The following UGGT2 variants were observed in gnomAD, a reference collection of about 807,000 sequenced individuals.
UGGT2 encodes UDP-glucose:glycoprotein glucosyltransferase 2.
UGGT2 carries 180 observed loss-of-function variants against 192.1 expected under a neutral mutation model. The observed-to-expected ratio is 0.94, with a 90% CI of 0.83 to 1.06. UGGT2 has a LOEUF of 1.06. Among genes scored for constraint, UGGT2 ranks in the 50% least tolerant of loss-of-function variants. The pLI, the probability that UGGT2 is intolerant of heterozygous loss-of-function variation, is 0.00. For missense variants in UGGT2, 1,849 were observed against 1,795.7 expected (o/e 1.03, Z -0.54); for synonymous variants, 580 against 591.0 (o/e 0.98, Z 0.27).
intron 2 of UGGT2, 41 bp downstream of exon 2, chr13:96,031,848 T>C (rs996718156): frequency 6.9e-7 from 1 of 1,456,984 alleles, no homozygotes; most frequent in Non-Finnish European, 9.5e-7. Flanking sequence ...TGTGTGTACA[T>C]AAATACAAAT....
chr13:95,834,912 A>C (rs927721112), intron 37 of UGGT2, among the ~76,000 whole-genome samples: 1 of 152,176 alleles, frequency 6.6e-6, no homozygotes, highest in Non-Finnish European at 1.5e-5. Context: ...AACCATACAC[A>C]TAATTTGTGG....
At position 95,947,098 on chromosome 13, in the gene UGGT2, C is replaced by G. The variant is rs1005656298; in HGVS notation, c.1616G>C (p.Arg539Pro). ...TTCTTCTGCAATATAGTTGAAAGCT[C>G]GCCAGAGAGCAACTCCAGCATCATT... ...GANDAGVALW[R>P]AFNYIAEEFD... The change falls in exon 15 of 39, where the codon CGA becomes CCA. Residue 539 changes from arginine (R) to proline (P), a missense_variant. Coordinates refer to ENST00000376747, the MANE Select transcript of UGGT2 (RefSeq NM_020121.4). 3.1e-6 allele frequency: 5 copies of G among 1,611,930 alleles called. No individual in the cohort carries two copies. The highest frequency in any genetic ancestry group is 4.2e-6 in the Non-Finnish European group (5 of 1,179,380).
chr13:95,956,093 C>T (rs1051590414), intron 12 of UGGT2, among the ~76,000 whole-genome samples: 13 of 152,224 alleles, frequency 8.5e-5, no homozygotes, highest in African/African-American at 3.1e-4. Context: ...TAAAATTTAA[C>T]GACAAGCTAA....
Position 95,900,920 on chromosome 13 carries a change from A to C in UGGT2, c.2521T>G (p.Phe841Val). The change falls in exon 22 of 39, where the codon TTT (phenylalanine) becomes GTT (valine). Residue 841 changes from phenylalanine (F) to valine (V), a missense_variant. By Grantham distance (50) the Phe-to-Val change is conservative (BLOSUM62 -1). Transcript: ENST00000376747. ...FLIEGMDKNA[F>V]EKKYNTVGVN... ...CCAACAGTATTATATTTTTTCTCAA[A>C]AGCATTCTTATCCATCCCCTAAAGC... 1 of 1,596,946 alleles carries C rather than the reference A, an allele frequency of 6.3e-7. No individual in the cohort carries two copies. Among genetic ancestry groups the C allele is most frequent in the African/African-American group, 1.3e-5 (1 of 74,684 alleles).
intron 38 of UGGT2, among the ~76,000 whole-genome samples, chr13:95,808,046 G>A (rs577081396): frequency 2.0e-5 from 3 of 152,154 alleles, no homozygotes; most frequent in Non-Finnish European, 2.9e-5. Flanking sequence ...TTTGGGGGCC[G>A]ATAGACACCT....
chr13:95,868,016 C>T (rs1566612300), intron 29 of UGGT2, among the ~76,000 whole-genome samples: 2 of 151,982 alleles, frequency 1.3e-5, no homozygotes, highest in African/African-American at 2.4e-5. Flanking sequence ...AACTGTGCTC[C>T]GTAATTATTT....
chr13:95,852,641 T>C (rs1376795647), intron 36 of UGGT2, among the ~76,000 whole-genome samples: 2 of 152,174 alleles, frequency 1.3e-5, no homozygotes, highest in Admixed American at 6.5e-5. Flanking sequence ...TGAACATGCA[T>C]GGTTGTGATA....
chr13:95,944,502 C>T (rs949870902), intron 15 of UGGT2, among the ~76,000 whole-genome samples: 4 of 151,974 alleles, frequency 2.6e-5, no homozygotes, highest in Admixed American at 6.6e-5. Flanking sequence ...TCTCTGAGCC[C>T]AGGCCTTAAG....
chr13:95,802,813 TTTTGTTTGTTTGTTTG>T (rs146912861), intron 38 of UGGT2, among the ~76,000 whole-genome samples: 3 of 150,948 alleles, frequency 2.0e-5, no homozygotes, highest in East Asian at 2.0e-4. Flanking sequence ...AGCTATCCTT[TTTTGTTTGTTTGTTTG>T]TTTGTTTGTT....
intron 9 of UGGT2, chr13:95,985,479 A>C (rs2051261743): frequency 3.8e-6 from 1 of 262,712 alleles, no homozygotes; most frequent in African/African-American, 2.2e-5. Flanking sequence ...TATGATGAAT[A>C]AATGTACAAA....
intron 31 of UGGT2, 139 bp from the exon 32 acceptor site, chr13:95,861,022 T>A (rs1890116181): frequency 2.4e-6 from 1 of 415,474 alleles, no homozygotes; most frequent in Admixed American, 4.5e-5. Context: ...ATTTACAAAC[T>A]AATATTAAAA....
rs749583229 is a variant in UGGT2 at position 96,053,278 on chromosome 13, A to C, written c.35T>G (p.Leu12Arg). The C allele has an allele frequency of 1.3e-6, 2 of 1,578,008 alleles. No homozygotes were observed. The highest frequency in any genetic ancestry group is 1.7e-6 in the Non-Finnish European group (2 of 1,170,456). ...CCACAGCGCTGTGGAGCCTAGTAGC[A>C]GCCGCACCACGTTCGTGGCTTTCGC... ...APAKATNVVR[L>R]LLGSTALWLS... is the part of the protein sequence containing the mutation. The change falls in exon 1 of 39, where the codon CTG (leucine) becomes CGG (arginine). Residue 12 changes from leucine to arginine, a missense_variant. Transcript: ENST00000376747.
At chr13:95,856,434 T>A (rs567370976) in intron 33 of UGGT2, 94 bp from the exon 34 acceptor site, 2 of 1,318,642 alleles carry the variant, frequency 1.5e-6, no homozygotes, top group East Asian at 4.8e-5. Flanking sequence ...AAGCTTCCTA[T>A]AAATTGTTAT....
intron 1 of UGGT2, among the ~76,000 whole-genome samples, chr13:96,042,904 G>A (rs1466712374): frequency 1.3e-5 from 2 of 152,048 alleles, no homozygotes; most frequent in South Asian, 4.1e-4. Context: ...GTATTCCTGA[G>A]AAAGAAGAGA....
intron 1 of UGGT2, among the ~76,000 whole-genome samples, chr13:96,037,404 G>A (rs1482211280): frequency 1.1e-4 from 16 of 152,172 alleles, no homozygotes; most frequent in Admixed American, 1.0e-3. Flanking sequence ...TCACCATGTT[G>A]GCTACGCTGG....
Position 95,925,697 on chromosome 13 carries a change from TA to T in UGGT2, c.2277del (p.Phe759LeufsTer4). 1.9e-6 allele frequency: 3 copies of T among 1,564,810 alleles called. No individual in the cohort carries two copies. The highest frequency in any genetic ancestry group is 2.5e-5 in the South Asian group (2 of 80,966). On this transcript the variant is annotated frameshift_variant, in exon 20 of 39. Coordinates refer to ENST00000376747, the MANE Select transcript of UGGT2 (RefSeq NM_020121.4). LOFTEE classifies it high-confidence loss of function. ...FDKPSGRKLLFNALKHMKTSV... is the reference protein window; with the variant it reads ...FDKPSGRKLLXNALKHMKTSV... ...GTACTCACCATGTGCTTTAATGCAT[TA>T]AAAAGAAGTTTTCTCCCAGAAGGCT... is the stretch of plus-strand genomic sequence containing the variant.
At chr13:95,935,128 T>C (rs2049419958) in intron 17 of UGGT2, among the ~76,000 whole-genome samples, 1 of 152,212 alleles carries the variant, frequency 6.6e-6, no homozygotes, top group South Asian at 2.1e-4. Flanking sequence ...AGCAGACAGA[T>C]GGGTCTTGTT....
At chr13:95,913,858 T>C (rs1459321364) in intron 20 of UGGT2, among the ~76,000 whole-genome samples, 4 of 152,180 alleles carry the variant, frequency 2.6e-5, no homozygotes, top group Non-Finnish European at 5.9e-5. Flanking sequence ...AATGATAGAC[T>C]GGATTAAGAA....
intron 17 of UGGT2, among the ~76,000 whole-genome samples, chr13:95,931,070 G>T (rs938553734): frequency 7.9e-5 from 12 of 152,256 alleles, no homozygotes; most frequent in Middle Eastern, 3.4e-3. Flanking sequence ...TTGCTGATTG[G>T]TCCATTCTAC....
Sources: gnomAD v4.1 joint callset for allele counts (sites outside exome capture counted in the v4.1 genomes callset) on GRCh38, gnomAD v4.1.1 for gene constraint, MANE v1.5 for transcripts, NCBI Gene and HGNC (gene_info 2026-07-23, HGNC 2026-07-21) for gene names.